ST7: variants seen among roughly 807,000 people sequenced by gnomAD.
The protein encoded by ST7 is suppression of tumorigenicity 7.
ST7 carries 28 observed loss-of-function variants against 78.7 expected under a neutral mutation model. That is an observed-to-expected ratio of 0.36 (90% CI 0.26 to 0.49). The LOEUF is 0.49. Among genes scored for constraint, ST7 ranks in the 20% least tolerant of loss-of-function variants. ST7 has a pLI of 0.99. For synonymous variants in ST7, 247 were observed against 249.6 expected (o/e 0.99, Z 0.10); for missense variants, 418 against 696.0 (o/e 0.60, Z 4.49).
intron 1 of ST7, among the ~76,000 whole-genome samples, chr7:116,965,412 G>T (rs914757809): frequency 2.0e-5 from 3 of 151,948 alleles, no homozygotes; most frequent in Non-Finnish European, 4.4e-5. Flanking sequence ...GTGGAAGGGT[G>T]GGGGGCAAGG....
At chr7:117,062,894 G>C (rs1467584436) in intron 1 of ST7, among the ~76,000 whole-genome samples, 3 of 152,128 alleles carry the variant, frequency 2.0e-5, no homozygotes, top group East Asian at 3.9e-4. Flanking sequence ...AATTATTAGT[G>C]CCTTAATCCC....
In ST7 at chr7:116,966,619, T is replaced by C. The variant is rs114749153; in HGVS notation, c.151+12928T>C. ...TGAATGCTACTGATACTTGGCTTTA[T>C]GGAAATCTCTTTTTAGTATTGACTA... On this transcript the variant is annotated intron_variant, in intron 1 of 15. Transcript: ENST00000323984. Among the ~76,000 whole-genome samples the C allele has an allele frequency of 1.4e-3, 216 of 152,340 alleles. 1 individual carries two copies. Among genetic ancestry groups the C allele is most frequent in the African/African-American group, 4.1e-3 (172 of 41,578 alleles).
intron 1 of ST7, among the ~76,000 whole-genome samples, chr7:117,084,017 G>T (rs2088139508): frequency 6.6e-6 from 1 of 152,192 alleles, no homozygotes; most frequent in South Asian, 2.1e-4. Context: ...CCAAATACTT[G>T]AGTCTGAGAT....
intron 10 of ST7, among the ~76,000 whole-genome samples, chr7:117,184,950 T>A (rs553880467): frequency 6.6e-6 from 1 of 152,322 alleles, no homozygotes; most frequent in African/African-American, 2.4e-5. Flanking sequence ...TGTCGAAATA[T>A]TAAGTTTAAA....
chr7:117,157,195 T>C (rs897211268), intron 9 of ST7, among the ~76,000 whole-genome samples: 1 of 152,174 alleles, frequency 6.6e-6, no homozygotes, highest in African/African-American at 2.4e-5. Context: ...CAAGAACTGC[T>C]GCCCAAGGGC....
At position 116,985,943 on chromosome 7, in the gene ST7, AT is replaced by A. The variant is rs559223236; in HGVS notation, c.151+32253del. On this transcript the variant is annotated intron_variant, in intron 1 of 15. Coordinates refer to ENST00000323984, the MANE Select transcript of ST7 (RefSeq NM_001369598.1). The stretch of plus-strand genomic sequence containing the variant: ...CGCCTCCCAGGTTCAAGCGACTCTT[AT>A]GTCGCAGCCTCGCAAGTAGCTGGGA... 4.4e-4 allele frequency among the ~76,000 whole-genome samples: 67 copies of A among 152,278 alleles called. No individual in the cohort carries two copies. The South Asian group carries it at 0.012, about 28-fold the overall frequency.
chr7:116,960,265 C>A (rs781706790), intron 1 of ST7, among the ~76,000 whole-genome samples: 1 of 152,054 alleles, frequency 6.6e-6, no homozygotes, highest in African/African-American at 2.4e-5. Context: ...TCTCAGCTGA[C>A]TGCAACCTCT....
At chr7:117,109,382 A>G (rs1802239070) in intron 2 of ST7, among the ~76,000 whole-genome samples, 1 of 152,218 alleles carries the variant, frequency 6.6e-6, no homozygotes. Flanking sequence ...AATAGGAGAT[A>G]TTACAACTGA....
At chr7:117,183,841 A>G (rs1355216670) in intron 10 of ST7, among the ~76,000 whole-genome samples, 1 of 152,262 alleles carries the variant, frequency 6.6e-6, no homozygotes, top group African/African-American at 2.4e-5. Flanking sequence ...AAAGTGGGAA[A>G]ACAATTCAAA....
At chr7:117,011,260 C>T (rs185602120) in intron 1 of ST7, among the ~76,000 whole-genome samples, 205 of 152,238 alleles carry the variant, frequency 1.3e-3, no homozygotes, top group Non-Finnish European at 1.8e-3. Flanking sequence ...CCCAGAACAT[C>T]AGCATCCAAC....
intron 1 of ST7, among the ~76,000 whole-genome samples, chr7:117,015,958 A>G (rs575926973): frequency 6.6e-6 from 1 of 152,352 alleles, no homozygotes; most frequent in African/African-American, 2.4e-5. Flanking sequence ...TCTATAAATT[A>G]TAACTGTAGG....
chr7:117,173,681 CT>C (rs1808163673), intron 10 of ST7: 2 of 152,226 alleles, frequency 1.3e-5, no homozygotes, highest in Non-Finnish European at 2.9e-5. Context: ...ATCCCAGCCC[CT>C]TCATCCCTCT....
intron 1 of ST7, among the ~76,000 whole-genome samples, chr7:117,033,635 T>G (rs10241925): frequency 0.98 from 149,573 of 152,246 alleles, 73,538 homozygotes; most frequent in East Asian, 1. Context: ...TGTTGGCCAG[T>G]CTGGTCTCGA....
intron 2 of ST7, among the ~76,000 whole-genome samples, chr7:117,104,815 A>G (rs931192850): frequency 1.3e-5 from 2 of 152,210 alleles, no homozygotes; most frequent in African/African-American, 2.4e-5. Flanking sequence ...TGACAGAAAA[A>G]TTAACTGACA....
chr7:117,169,491 CTTTCTCT>C (rs1337534113), intron 9 of ST7, among the ~76,000 whole-genome samples: 2 of 152,226 alleles, frequency 1.3e-5, no homozygotes, highest in African/African-American at 4.8e-5. Context: ...GGTCTTTCTT[CTTTCTCT>C]TTGCTTCCCA....
chr7:117,094,321 C>A (rs1024586271), intron 1 of ST7, among the ~76,000 whole-genome samples: 3 of 152,212 alleles, frequency 2.0e-5, no homozygotes, highest in Non-Finnish European at 4.4e-5. Flanking sequence ...CCTCACTGTT[C>A]CCTAGTCTCT....
At chr7:117,042,189 G>A (rs1458702535) in intron 1 of ST7, among the ~76,000 whole-genome samples, 1 of 152,180 alleles carries the variant, frequency 6.6e-6, no homozygotes, top group Non-Finnish European at 1.5e-5. Context: ...TAAAAAAGAT[G>A]TAGAGACTAT....
At chr7:116,993,172 G>T (rs779402520) in intron 1 of ST7, among the ~76,000 whole-genome samples, 1 of 152,056 alleles carries the variant, frequency 6.6e-6, no homozygotes, top group Non-Finnish European at 1.5e-5. Context: ...ACATTTTCAG[G>T]TATCTTTTTA....
intron 1 of ST7, among the ~76,000 whole-genome samples, chr7:116,969,486 A>T (rs73714359): frequency 2.5e-3 from 375 of 152,270 alleles, no homozygotes; most frequent in African/African-American, 8.5e-3. Flanking sequence ...CCAACTTATC[A>T]CTGTTGATAT....
Sources: allele counts gnomAD v4.1 joint callset (sites outside exome capture counted in the v4.1 genomes callset), GRCh38; gene constraint gnomAD v4.1.1; transcripts MANE v1.5; gene names NCBI Gene and HGNC (gene_info 2026-07-23, HGNC 2026-07-21).